Variants in WDFY3 observed in about 807,000 individuals in gnomAD.
The protein encoded by WDFY3 is WD repeat and FYVE domain-containing protein 3.
Under a neutral mutation model 409.6 loss-of-function variants are expected in WDFY3, and 66 were observed. The observed-to-expected ratio is 0.16, with a 90% CI of 0.13 to 0.20. The LOEUF is 0.20. WDFY3 is among the 10% of genes least tolerant of loss of function. The pLI is 1.00. For missense variants in WDFY3, 3,031 were observed against 4,298.1 expected (o/e 0.71, Z 8.24); for synonymous variants, 1,521 against 1,537.1 (o/e 0.99, Z 0.25).
At chr4:84,932,775 T>C (rs1770924317) in intron 1 of WDFY3, among the ~76,000 whole-genome samples, 1 of 152,214 alleles carries the variant, frequency 6.6e-6, no homozygotes, top group Non-Finnish European at 1.5e-5. Context: ...TCTCTAGGTG[T>C]ATTTTTCATG....
Position 84,789,787 on chromosome 4 carries a change from C to T in WDFY3, c.3608G>A (p.Gly1203Asp). The T allele has an allele frequency of 6.2e-7, 1 of 1,613,968 alleles. No individual in the cohort carries two copies. The highest frequency in any genetic ancestry group is 8.5e-7 in the Non-Finnish European group (1 of 1,179,994). The change falls in exon 22 of 68, where the codon GGC becomes GAC. Residue 1203 changes from glycine to aspartate, a missense_variant. Transcript: ENST00000295888. ...GGCTGCAGTACTGTTTTTCAACATGCCTTTGCTCATTACCAGGACCAAATG... is the reference window on the plus strand; with the variant it reads ...GGCTGCAGTACTGTTTTTCAACATGTCTTTGCTCATTACCAGGACCAAATG... Reference protein sequence around the residue: ...WHHLVLVMSKGMLKNSTAALY... With the variant: ...WHHLVLVMSKDMLKNSTAALY...
intron 56 of WDFY3, 112 bp downstream of exon 56, chr4:84,702,241 T>C: frequency 7.7e-6 from 9 of 1,169,290 alleles, no homozygotes; most frequent in South Asian, 2.0e-5. Flanking sequence ...AGAAACTGTA[T>C]CAAATTTTTT....
At chr4:84,900,543 T>C (rs891206931) in intron 2 of WDFY3, among the ~76,000 whole-genome samples, 1 of 152,192 alleles carries the variant, frequency 6.6e-6, no homozygotes, top group Non-Finnish European at 1.5e-5. Flanking sequence ...ATATAAAAAC[T>C]TGGATTATTC....
intron 32 of WDFY3, among the ~76,000 whole-genome samples, chr4:84,762,667 C>A (rs1020955466): frequency 2.0e-5 from 3 of 152,014 alleles, no homozygotes; most frequent in Non-Finnish European, 2.9e-5. Flanking sequence ...GATTTGACAA[C>A]TCATTTCTCC....
intron 5 of WDFY3, among the ~76,000 whole-genome samples, chr4:84,842,116 T>C (rs559365105): frequency 1.3e-5 from 2 of 152,330 alleles, no homozygotes; most frequent in Admixed American, 6.5e-5. Flanking sequence ...AATCTGTATC[T>C]AATTTCATCA....
intron 63 of WDFY3, 200 bp from the exon 64 acceptor site, chr4:84,682,670 G>C: frequency 5.4e-6 from 3 of 560,664 alleles, no homozygotes; most frequent in East Asian, 3.1e-5. Context: ...CAGGGAAAAA[G>C]ATTATAGTCA....
At chr4:84,853,410 G>A (rs1442355739) in intron 4 of WDFY3, among the ~76,000 whole-genome samples, 1 of 151,732 alleles carries the variant, frequency 6.6e-6, no homozygotes, top group Non-Finnish European at 1.5e-5. Flanking sequence ...CTGGCCTCAG[G>A]TGATCTGCTC....
chr4:84,757,430 CT>C (rs1309442503), intron 32 of WDFY3, among the ~76,000 whole-genome samples: 1 of 152,146 alleles, frequency 6.6e-6, no homozygotes, highest in Non-Finnish European at 1.5e-5. Flanking sequence ...GAAAATCCTT[CT>C]TAAGGTGCTG....
chr4:84,799,249 T>C (rs1750055826), intron 17 of WDFY3, among the ~76,000 whole-genome samples: 1 of 151,968 alleles, frequency 6.6e-6, no homozygotes, highest in African/African-American at 2.4e-5. Flanking sequence ...CTCAAACTCT[T>C]GGGCCCAAGA....
chr4:84,849,790 G>T, intron 5 of WDFY3, 112 bp downstream of exon 5: 1 of 1,427,104 alleles, frequency 7.0e-7, no homozygotes, highest in Non-Finnish European at 9.5e-7. Context: ...ATGGGTAAAT[G>T]AACTCAATGT....
chr4:84,816,665 GA>G (rs1044980889), intron 13 of WDFY3, among the ~76,000 whole-genome samples: 1 of 151,976 alleles, frequency 6.6e-6, no homozygotes, highest in African/African-American at 2.4e-5. Flanking sequence ...ACTTCTAAAT[GA>G]AAGTGAAACA....
At chr4:84,689,346 C>T (rs185847880) in intron 61 of WDFY3, among the ~76,000 whole-genome samples, 2 of 152,106 alleles carry the variant, frequency 1.3e-5, no homozygotes, top group South Asian at 2.1e-4. Context: ...CTTAGCAAAC[C>T]CCAGGAAACT....
chr4:84,928,876 A>C (rs1279577087), intron 2 of WDFY3, among the ~76,000 whole-genome samples: 1 of 152,192 alleles, frequency 6.6e-6, no homozygotes, highest in East Asian at 1.9e-4. Context: ...CACAGGACCA[A>C]AACATATCTC....
intron 1 of WDFY3, among the ~76,000 whole-genome samples, chr4:84,961,649 C>G (rs1357466820): frequency 1.3e-5 from 2 of 151,774 alleles, no homozygotes; most frequent in Admixed American, 6.6e-5. Context: ...GATGCCCAAG[C>G]TAAAGAAAAT....
rs138383264 is a variant in WDFY3 at position 84,734,441 on chromosome 4, T to A, written c.6993+602A>T. 5.3e-5 allele frequency among the ~76,000 whole-genome samples: 8 copies of A among 152,254 alleles called. No homozygotes were observed. The East Asian group carries it at 1.5e-3, about 29-fold the overall frequency. Reference sequence around the variant, plus strand: ...GTTCTTTGGTTGGGGAAACTAAGGATCTAGTGTTATATCCGTAAAATATTA... The same window carrying A: ...GTTCTTTGGTTGGGGAAACTAAGGAACTAGTGTTATATCCGTAAAATATTA... On this transcript the variant is annotated intron_variant, in intron 43 of 67. Transcript: ENST00000295888.
At chr4:84,964,345 T>A (rs1775330050) in intron 1 of WDFY3, among the ~76,000 whole-genome samples, 1 of 152,162 alleles carries the variant, frequency 6.6e-6, no homozygotes, top group African/African-American at 2.4e-5. Flanking sequence ...GGCATGCACA[T>A]GTAGTCCTAA....
rs181541599 is a variant in WDFY3, at chr4:84,843,405, A to C, written c.305-2142T>G. 2.0e-3 allele frequency among the ~76,000 whole-genome samples: 298 copies of C among 152,182 alleles called. 2 individuals carry two copies. The highest frequency in any genetic ancestry group is 6.8e-3 in the African/African-American group (284 of 41,530). On this transcript the variant is annotated intron_variant, in intron 5 of 67. Coordinates refer to ENST00000295888, the MANE Select transcript of WDFY3 (RefSeq NM_014991.6). ...ATTTCAAAGGCATCTCCCACTTTTT[A>C]TTTTATTATTTTTGAGACAAGGTCT...
chr4:84,915,565 G>C (rs1768370498), intron 2 of WDFY3, among the ~76,000 whole-genome samples: 1 of 152,112 alleles, frequency 6.6e-6, no homozygotes, highest in Admixed American at 6.6e-5. Flanking sequence ...CAAGAACTTG[G>C]TATTCAAGCC....
intron 30 of WDFY3, among the ~76,000 whole-genome samples, chr4:84,770,929 A>G (rs1039876897): frequency 2.0e-5 from 3 of 152,188 alleles, no homozygotes; most frequent in African/African-American, 7.2e-5. Context: ...AAGACTAGCA[A>G]TTTGCTTCTG....
Sources: allele counts gnomAD v4.1 joint callset (sites outside exome capture counted in the v4.1 genomes callset), GRCh38; gene constraint gnomAD v4.1.1; transcripts MANE v1.5; gene names NCBI Gene and HGNC (gene_info 2026-07-23, HGNC 2026-07-21).